The following CFHR5 variants were observed in gnomAD, a reference collection of about 807,000 sequenced individuals.
The protein encoded by CFHR5 is complement factor H-related protein 5.
In CFHR5, 73 loss-of-function variants were observed where a neutral mutation model predicts 62.9. The observed-to-expected ratio is 1.16, with a 90% CI of 0.96 to 1.41. CFHR5 has a LOEUF of 1.41. CFHR5 is among the 40% of genes most tolerant of loss of function. The pLI is 0.00. For synonymous variants in CFHR5, 249 were observed against 227.2 expected, an observed-to-expected ratio of 1.10 and a Z score of -0.86; for missense variants, 779 against 679.9, an observed-to-expected ratio of 1.15 and a Z score of -1.62.
chr1:196,990,438 G>A (rs1014336154), intron 3 of CFHR5, among the ~76,000 whole-genome samples: 4 of 152,030 alleles, frequency 2.6e-5, no homozygotes, highest in Non-Finnish European at 4.4e-5. Flanking sequence ...TATTTTGCCC[G>A]TTAGTTGATG....
In CFHR5 at chr1:196,985,306, A is replaced by G. The variant is rs142715308; in HGVS notation, c.430+1169A>G. On this transcript the variant is annotated intron_variant, in intron 3 of 9. Transcript: ENST00000256785. ...CAGTGAGTTATGACTGCACCAGTGC[A>G]CTCCAACCCAGGCAACAAAGTGAGA... Among the ~76,000 whole-genome samples, 115 of 152,302 alleles carry G rather than the reference A, an allele frequency of 7.6e-4. 1 individual carries two copies. The East Asian group carries it at 0.02, about 27-fold the overall frequency.
chr1:196,984,169 A>G, intron 3 of CFHR5, 32 bp downstream of exon 3: 1 of 1,570,648 alleles, frequency 6.4e-7, no homozygotes, highest in Non-Finnish European at 8.8e-7. Flanking sequence ...CAGTTTTGCT[A>G]ATTATTTAAA....
In CFHR5 at chr1:197,008,692, T is replaced by C. The variant is rs1654359323; in HGVS notation, c.*9T>C. On this transcript the variant is annotated 3_prime_UTR_variant, in exon 10 of 10. Transcript: ENST00000256785. ...ATCCTATATGTGAATGAAGCAAGCA[T>C]AATTTTCCTGAATATATTCTTCAAA... The C allele has an allele frequency of 6.2e-7, 1 of 1,604,688 alleles. No homozygotes were observed.
At position 196,994,157 on chromosome 1, in the gene CFHR5, G is replaced by A. The variant is rs201073457; in HGVS notation, c.508G>A (p.Val170Met). The A allele has an allele frequency of 3.1e-4, 503 of 1,613,256 alleles. 5 individuals carry two copies. In the East Asian group the frequency reaches 8.8e-3, roughly 28 times the overall value. Residue 170 changes from valine to methionine, a missense_variant, in exon 4 of 10, where the codon GTG becomes ATG. By Grantham distance (21) the Val-to-Met change is conservative (BLOSUM62 1). Coordinates refer to ENST00000256785, the MANE Select transcript of CFHR5 (RefSeq NM_030787.4). ...PKKESYKVGDVLKFSCRKNLI... is the reference protein window; with the variant it reads ...PKKESYKVGDMLKFSCRKNLI... ...AAAAGAAAGCTACAAAGTTGGAGAC[G>A]TGTTGAAATTCTCCTGCAGAAAAAA...
chr1:196,983,996 T>C lies in CFHR5; in HGVS notation c.289T>C (p.Ser97Pro). ...CSFPFVKNGH[S>P]ESSGLIHLEG... is the part of the protein sequence containing the mutation. ...CTTTCCTTTTGTGAAAAATGGTCATTCTGAATCTTCAGGACTAATACATCT... is the reference window on the plus strand; with the variant it reads ...CTTTCCTTTTGTGAAAAATGGTCATCCTGAATCTTCAGGACTAATACATCT... Residue 97 changes from serine to proline, a missense_variant, in exon 3 of 10, where the codon TCT becomes CCT. By Grantham distance (74) the Ser-to-Pro change is moderately conservative (BLOSUM62 -1). Transcript: ENST00000256785. 6.2e-7 allele frequency: 1 copy of C among 1,612,142 alleles called. No homozygotes were observed. Among genetic ancestry groups the C allele is most frequent in the Non-Finnish European group, 8.5e-7 (1 of 1,178,726 alleles).
At position 196,994,182 on chromosome 1, in the gene CFHR5, A is replaced by G. The variant is rs200427185; in HGVS notation, c.533A>G (p.Asn178Ser). The G allele has an allele frequency of 9.9e-5, 160 of 1,613,650 alleles. No homozygotes were observed. In the East Asian group the frequency reaches 3.5e-3, roughly 36 times the overall value. ...GTGTTGAAATTCTCCTGCAGAAAAA[A>G]TCTTATAAGAGTTGGATCAGACTCA... ...GDVLKFSCRK[N>S]LIRVGSDSVQ... The change falls in exon 4 of 10, where the codon AAT (asparagine) becomes AGT (serine). Residue 178 changes from asparagine (N) to serine (S), a missense_variant. Physicochemically the swap from Asn to Ser is conservative, Grantham distance 46 (BLOSUM62 1). Coordinates refer to ENST00000256785, the MANE Select transcript of CFHR5 (RefSeq NM_030787.4).
chr1:196,995,642 C>G, intron 4 of CFHR5, 75 bp from the exon 5 acceptor site: 2 of 1,346,394 alleles, frequency 1.5e-6, no homozygotes, highest in Admixed American at 1.7e-5. Context: ...ATTTCTAAGT[C>G]AAAAATTTAG....
At chr1:196,982,204 G>C (rs1653560081) in intron 1 of CFHR5, among the ~76,000 whole-genome samples, 1 of 152,112 alleles carries the variant, frequency 6.6e-6, no homozygotes, top group Admixed American at 6.6e-5. Context: ...AAATCTGAGA[G>C]CTGAGAACAA....
chr1:196,982,203 A>C (rs1653559999), intron 1 of CFHR5, among the ~76,000 whole-genome samples: 1 of 152,162 alleles, frequency 6.6e-6, no homozygotes, highest in African/African-American at 2.4e-5. Context: ...TAAATCTGAG[A>C]GCTGAGAACA....
intron 7 of CFHR5, among the ~76,000 whole-genome samples, chr1:197,001,827 A>C (rs1193256592): frequency 6.6e-6 from 1 of 151,768 alleles, no homozygotes; most frequent in Non-Finnish European, 1.5e-5. Flanking sequence ...ACTCTGGAAA[A>C]ACATGAGATG....
rs766264429 is a variant in CFHR5, at chr1:197,004,825, GA to G, written c.1497del (p.Glu499AspfsTer6). On this transcript the variant is annotated frameshift_variant, in exon 9 of 10. Coordinates refer to ENST00000256785, the MANE Select transcript of CFHR5 (RefSeq NM_030787.4). LOFTEE classifies it low-confidence loss of function (END_TRUNC). ...AACATGCAGAAATAAACAGTGGTCA[GA>G]ACCACCAAGATGCCTAGGTGAGTTC... is the stretch of plus-strand genomic sequence containing the variant. ...TVTCRNKQWS[E>X]PPRCLDPCVV... The G allele has an allele frequency of 3.1e-6, 5 of 1,612,632 alleles. No individual in the cohort carries two copies. Among genetic ancestry groups the G allele is most frequent in the Non-Finnish European group, 4.2e-6 (5 of 1,178,932 alleles).
rs745464729 is a variant in CFHR5, at chr1:197,004,690, T to G, written c.1360T>G (p.Ser454Ala). The change falls in exon 9 of 10, where the codon TCT becomes GCT. Residue 454 changes from serine to alanine, a missense_variant. By Grantham distance (99) the Ser-to-Ala change is moderately conservative. Transcript: ENST00000256785. ...TACTGCATATTGTGGGCCCCCTCCA[T>G]CTATTAACAATGGAGATACCACCTC... ...ESTAYCGPPP[S>A]INNGDTTSFP... 24 of 1,613,614 alleles carry G rather than the reference T, an allele frequency of 1.5e-5. No homozygotes were observed. The highest frequency in any genetic ancestry group is 1.9e-5 in the Non-Finnish European group (23 of 1,179,682).
In CFHR5 at chr1:196,980,499, C is replaced by T. The variant is rs569113225; in HGVS notation, c.59-2386C>T. The stretch of plus-strand genomic sequence containing the variant: ...TCAGTTGATAGGAATTTTTCAGCTA[C>T]ATTATAATCTTATGGGACCACTGTG... On this transcript the variant is annotated intron_variant, in intron 1 of 9. Transcript: ENST00000256785. 3.2e-4 allele frequency among the ~76,000 whole-genome samples: 48 copies of T among 151,996 alleles called. No homozygotes were observed. In the South Asian group the frequency reaches 9.8e-3, roughly 31 times the overall value.
upstream of CFHR5, among the ~76,000 whole-genome samples, chr1:196,976,894 T>C (rs1653408316): frequency 7.0e-6 from 1 of 142,568 alleles, no homozygotes; most frequent in Non-Finnish European, 1.5e-5. Context: ...AAGCTCTGCC[T>C]CCCGGTTTTA....
At chr1:196,993,222 A>C (rs1653895232) in intron 3 of CFHR5, among the ~76,000 whole-genome samples, 1 of 152,188 alleles carries the variant, frequency 6.6e-6, no homozygotes, top group South Asian at 2.1e-4. Flanking sequence ...CCTTTTGTAA[A>C]ACTGGGAATA....
At chr1:197,003,305 G>A (rs192401043) in intron 8 of CFHR5, among the ~76,000 whole-genome samples, 12 of 152,192 alleles carry the variant, frequency 7.9e-5, no homozygotes, top group South Asian at 2.1e-4. Context: ...CATGCAGCCC[G>A]GTTCCTAAGA....
At chr1:196,992,280 A>G (rs1653868937) in intron 3 of CFHR5, among the ~76,000 whole-genome samples, 1 of 152,086 alleles carries the variant, frequency 6.6e-6, no homozygotes. Flanking sequence ...TTTGTGTGTG[A>G]GTGTCCCGAT....
intron 7 of CFHR5, among the ~76,000 whole-genome samples, chr1:197,001,643 C>T (rs568348787): frequency 3.9e-4 from 59 of 151,656 alleles, no homozygotes; most frequent in African/African-American, 1.3e-3. Flanking sequence ...TGTTGGTGTG[C>T]TGCACCCATT....
Position 197,004,849 on chromosome 1 carries a change from T to C in CFHR5, c.1513+6T>C, listed in dbSNP as rs1435208548. 6.3e-7 allele frequency: 1 copy of C among 1,595,302 alleles called. No individual in the cohort carries two copies. The highest frequency in any genetic ancestry group is 1.1e-5 in the South Asian group (1 of 90,610). ...AGAACCACCAAGATGCCTAGGTGAG[T>C]TCTTAATATTCTCTTGGAATCTGAG... On this transcript the variant is annotated splice_donor_region_variant and intron_variant, in intron 9 of 9. Coordinates refer to ENST00000256785, the MANE Select transcript of CFHR5 (RefSeq NM_030787.4).
Sources: allele counts gnomAD v4.1 joint callset (sites outside exome capture counted in the v4.1 genomes callset), GRCh38; gene constraint gnomAD v4.1.1; transcripts MANE v1.5; gene names NCBI Gene and HGNC (gene_info 2026-07-23, HGNC 2026-07-21).